GABRB1: variants seen among roughly 807,000 people sequenced by gnomAD.
The protein encoded by GABRB1 is gamma-aminobutyric acid receptor subunit beta-1.
A neutral mutation model predicts 51.6 loss-of-function variants in GABRB1; 17 were observed. The observed-to-expected ratio is 0.33, with a 90% CI of 0.23 to 0.49. The LOEUF is 0.49. GABRB1 is among the 20% of genes least tolerant of loss of function. The pLI is 0.99. For synonymous variants in GABRB1, 247 were observed against 218.9 expected (o/e 1.13, Z -1.14); for missense variants, 410 against 600.6 (o/e 0.68, Z 3.32).
At chr4:47,246,646 C>T (rs1721772518) in intron 4 of GABRB1, among the ~76,000 whole-genome samples, 1 of 151,568 alleles carries the variant, frequency 6.6e-6, no homozygotes, top group Admixed American at 6.6e-5. Flanking sequence ...TTCCCACCAG[C>T]AATGTAGAAG....
intron 3 of GABRB1, among the ~76,000 whole-genome samples, chr4:47,154,712 G>T (rs1717615111): frequency 6.6e-6 from 1 of 152,064 alleles, no homozygotes; most frequent in African/African-American, 2.4e-5. Flanking sequence ...AGATCACAAG[G>T]AGCTAAAGCA....
chr4:47,032,998 C>A, intron 3 of GABRB1: 1 of 330,800 alleles, frequency 3.0e-6, no homozygotes, highest in Non-Finnish European at 6.0e-6. Context: ...TCAGGCACAC[C>A]TGGTGGCAGG....
At chr4:47,370,249 GT>G (rs1487573123) in intron 5 of GABRB1, among the ~76,000 whole-genome samples, 1 of 152,178 alleles carries the variant, frequency 6.6e-6, no homozygotes, top group East Asian at 1.9e-4. Flanking sequence ...AGCACGTTGG[GT>G]GGCCGAGGCG....
chr4:47,360,284 T>C (rs778237473), intron 5 of GABRB1, among the ~76,000 whole-genome samples: 1 of 152,024 alleles, frequency 6.6e-6, no homozygotes, highest in African/African-American at 2.4e-5. Context: ...ATTTTTAGGA[T>C]TGAAAACCTA....
chr4:47,233,497 T>A (rs1034956561), intron 4 of GABRB1, among the ~76,000 whole-genome samples: 1 of 152,194 alleles, frequency 6.6e-6, no homozygotes, highest in Non-Finnish European at 1.5e-5. Flanking sequence ...CTTTTTGGGA[T>A]TCTACATTTT....
At chr4:47,413,910 A>G (rs917580460) in intron 8 of GABRB1, among the ~76,000 whole-genome samples, 1 of 152,240 alleles carries the variant, frequency 6.6e-6, no homozygotes, top group Non-Finnish European at 1.5e-5. Flanking sequence ...CCCCTCAGGC[A>G]TCATTTGAAA....
intron 4 of GABRB1, among the ~76,000 whole-genome samples, chr4:47,259,572 T>C (rs1196728476): frequency 2.0e-5 from 3 of 152,128 alleles, no homozygotes; most frequent in Non-Finnish European, 2.9e-5. Context: ...CTCAACATCA[T>C]ACAAAATAGG....
At chr4:47,317,859 T>C (rs1032269639) in intron 4 of GABRB1, among the ~76,000 whole-genome samples, 3 of 152,048 alleles carry the variant, frequency 2.0e-5, no homozygotes, top group Non-Finnish European at 2.9e-5. Flanking sequence ...TATATATATA[T>C]TCACATACGG....
At chr4:47,388,238 T>C (rs1045138265) in intron 5 of GABRB1, among the ~76,000 whole-genome samples, 2 of 152,216 alleles carry the variant, frequency 1.3e-5, no homozygotes, top group African/African-American at 4.8e-5. Context: ...CATTTTAATG[T>C]ATTTGATATA....
intron 5 of GABRB1, among the ~76,000 whole-genome samples, chr4:47,374,117 T>C (rs1453372111): frequency 6.6e-6 from 1 of 152,228 alleles, no homozygotes; most frequent in Non-Finnish European, 1.5e-5. Flanking sequence ...AGCTTTGTAA[T>C]ATCAAGAGGA....
chr4:47,258,997 T>G (rs923575785), intron 4 of GABRB1, among the ~76,000 whole-genome samples: 1 of 152,138 alleles, frequency 6.6e-6, no homozygotes, highest in African/African-American at 2.4e-5. Flanking sequence ...ATCAAGTGAA[T>G]CTATTCCAGG....
rs769038641 is a variant in GABRB1 at position 47,406,910 on chromosome 4, A to G, written c.1064A>G (p.Glu355Gly). The G allele has an allele frequency of 1.4e-5, 23 of 1,613,790 alleles. No individual in the cohort carries two copies. The highest frequency in any genetic ancestry group is 1.8e-5 in the Non-Finnish European group (21 of 1,179,950). The change falls in exon 8 of 9, where the codon GAG becomes GGG. Residue 355 changes from glutamate to glycine, a missense_variant. Physicochemically the swap from Glu to Gly is moderately conservative, Grantham distance 98 (BLOSUM62 -2). Transcript: ENST00000295454. ...AGTGCCAATGAGAAGAATAAACTGG[A>G]GATGAATAAAGTCCAGGTAAGATAT... ...DQSANEKNKL[E>G]MNKVQVDAHG... is the part of the protein sequence containing the mutation.
chr4:47,183,927 C>G (rs1008470330), intron 4 of GABRB1, among the ~76,000 whole-genome samples: 3 of 151,894 alleles, frequency 2.0e-5, no homozygotes, highest in African/African-American at 7.2e-5. Flanking sequence ...TTACTTTAAT[C>G]TCTTCACTCA....
chr4:47,332,901 C>A (rs955582197), intron 5 of GABRB1, among the ~76,000 whole-genome samples: 6 of 151,710 alleles, frequency 4.0e-5, no homozygotes, highest in African/African-American at 1.2e-4. Context: ...GTAAACTATT[C>A]TTTCTTTTAT....
chr4:47,143,826 C>T (rs1717036824), intron 3 of GABRB1, among the ~76,000 whole-genome samples: 1 of 151,802 alleles, frequency 6.6e-6, no homozygotes, highest in African/African-American at 2.4e-5. Flanking sequence ...GCTCCTTTAA[C>T]CCACCATGAT....
intron 3 of GABRB1, among the ~76,000 whole-genome samples, chr4:47,054,825 T>C (rs1726516735): frequency 6.6e-6 from 1 of 152,176 alleles, no homozygotes; most frequent in Admixed American, 6.5e-5. Context: ...CCTCAGGTAA[T>C]CCATCCACCT....
At chr4:47,032,271 T>A in intron 2 of GABRB1, 146 bp from the exon 3 acceptor site, 1 of 812,114 alleles carries the variant, frequency 1.2e-6, no homozygotes. Context: ...ACACCTGTTT[T>A]CCCAGGCAGT....
intron 3 of GABRB1, among the ~76,000 whole-genome samples, chr4:47,129,597 A>G (rs915523992): frequency 1.3e-5 from 2 of 152,200 alleles, no homozygotes; most frequent in African/African-American, 4.8e-5. Flanking sequence ...TTATATGAGC[A>G]ATTGTAAATA....
chr4:47,013,110 C>T (rs1470418320), intron 1 of GABRB1, among the ~76,000 whole-genome samples: 1 of 150,102 alleles, frequency 6.7e-6, no homozygotes, highest in Non-Finnish European at 1.5e-5. Flanking sequence ...GGACATGTCA[C>T]TTTGTGCATT....
Sources: gnomAD v4.1 joint callset for allele counts (sites outside exome capture counted in the v4.1 genomes callset) on GRCh38, gnomAD v4.1.1 for gene constraint, MANE v1.5 for transcripts, NCBI Gene and HGNC (gene_info 2026-07-23, HGNC 2026-07-21) for gene names.